PPP1R1B: variants seen among roughly 807,000 people sequenced by gnomAD.
The protein encoded by PPP1R1B is protein phosphatase 1 regulatory subunit 1B.
In PPP1R1B, 13 loss-of-function variants were observed where a neutral mutation model predicts 28.2. That is an observed-to-expected ratio of 0.46 (90% CI 0.30 to 0.73). The LOEUF (loss-of-function observed/expected upper bound fraction) is 0.73. Ranked by LOEUF, PPP1R1B falls within the 30% of genes least tolerant of loss-of-function variation. PPP1R1B has a pLI of 0.07. For missense variants in PPP1R1B, 236 were observed against 256.7 expected (o/e 0.92, Z 0.55); for synonymous variants, 102 against 97.5 (o/e 1.05, Z -0.27).
At chr17:39,634,186 A>G in intron 5 of PPP1R1B, 100 bp downstream of exon 5, 8 of 1,457,824 alleles carry the variant, frequency 5.5e-6, no homozygotes, top group Non-Finnish European at 7.6e-6. Flanking sequence ...CGCAAACTGT[A>G]GTGACACCAC....
At position 39,627,418 on chromosome 17, in the gene PPP1R1B, T is replaced by C; in HGVS notation, c.26T>C (p.Ile9Thr). The part of the protein sequence containing the change: MDPKDRKK[I>T]QFSVPAPPSQ... ...ATGGACCCCAAGGACCGCAAGAAGA[T>C]CCAGTTCTCGGTGCCCGCGCCCCCT... The change falls in exon 1 of 7, where the codon ATC becomes ACC. Residue 9 changes from isoleucine (I) to threonine (T), a missense_variant. By Grantham distance (89) the Ile-to-Thr change is moderately conservative (BLOSUM62 -1). Coordinates refer to ENST00000254079, the MANE Select transcript of PPP1R1B (RefSeq NM_032192.4). The C allele has an allele frequency of 6.2e-7, 1 of 1,602,394 alleles. No individual in the cohort carries two copies. The highest frequency in any genetic ancestry group is 8.5e-7 in the Non-Finnish European group (1 of 1,176,094).
In PPP1R1B at chr17:39,636,015, G is replaced by T; in HGVS notation, c.*150G>T. On this transcript the variant is annotated 3_prime_UTR_variant, in exon 7 of 7. Coordinates refer to ENST00000254079, the MANE Select transcript of PPP1R1B (RefSeq NM_032192.4). ...AGAAGACTAAGGCTGGTCTGTGTTT[G>T]CTTGTTTGCCCACCTTTGGCTGATA... 3.3e-6 allele frequency: 3 copies of T among 917,294 alleles called. No homozygotes were observed. In the South Asian group the frequency reaches 5.1e-5, roughly 16 times the overall value. The allele number at this position is 917,294 out of a possible 1,614,324, so 56.8% of individuals were successfully genotyped here.
In PPP1R1B at chr17:39,630,059, C is replaced by T. The variant is rs34719599; in HGVS notation, c.241+12C>T. On this transcript the variant is annotated intron_variant, in intron 4 of 6. Transcript: ENST00000254079. ...ACCTTCGCTGAAAGGTACTATACCC[C>T]CACCGACCTTCCTGGCTGTCCGCCT... 2.2e-3 allele frequency: 3,591 copies of T among 1,613,494 alleles called. 62 individuals carry two copies. The African/African-American group carries it at 0.041, about 18-fold the overall frequency.
chr17:39,629,929 G>T (rs1335944589), intron 3 of PPP1R1B, 43 bp from the exon 4 acceptor site: 5 of 1,583,584 alleles, frequency 3.2e-6, no homozygotes, highest in Non-Finnish European at 4.3e-6. Flanking sequence ...GTGAAGGCAA[G>T]GGCCTCTGCT....
Position 39,627,167 on chromosome 17 carries a change from G to T in PPP1R1B, c.-226G>T. 2.1e-6 allele frequency: 1 copy of T among 478,264 alleles called. No individual in the cohort carries two copies. The allele number at this position is 478,264 out of a possible 1,614,324, so 29.6% of individuals were successfully genotyped here. Reference sequence around the variant, plus strand: ...CAGACCTGGCTCAGCGAGCGCGGGGGGCGAGCCCCGAGTCCCGAGAGCCTG... The same window carrying T: ...CAGACCTGGCTCAGCGAGCGCGGGGTGCGAGCCCCGAGTCCCGAGAGCCTG... On this transcript the variant is annotated 5_prime_UTR_variant, in exon 1 of 7. Transcript: ENST00000254079.
rs2144831857 is a variant in PPP1R1B, at chr17:39,627,314, C to T, written c.-79C>T. The T allele has an allele frequency of 2.0e-6, 2 of 978,326 alleles. No individual in the cohort carries two copies. The highest frequency in any genetic ancestry group is 3.4e-5 in the African/African-American group (2 of 58,644). The allele number at this position is 978,326 out of a possible 1,614,324, so 60.6% of individuals were successfully genotyped here. A position where few individuals can be genotyped will look rare whatever the true frequency, so the allele number is the denominator to read the frequency against. ...CTCCTCTCGCCGCACAGCCCGCCGCCTGCGCGGGGGAGCCCAGCACAGACC... is the reference window on the plus strand; with the variant it reads ...CTCCTCTCGCCGCACAGCCCGCCGCTTGCGCGGGGGAGCCCAGCACAGACC... On this transcript the variant is annotated 5_prime_UTR_variant, in exon 1 of 7. Coordinates refer to ENST00000254079, the MANE Select transcript of PPP1R1B (RefSeq NM_032192.4).
At chr17:39,629,456 TAACTC>T in intron 2 of PPP1R1B, 79 bp from the exon 3 acceptor site, 1 of 1,569,964 alleles carries the variant, frequency 6.4e-7, no homozygotes, top group Non-Finnish European at 8.8e-7. Context: ...CTGGGGAAAA[TAACTC>T]GGATTCTTTC....
Position 39,629,211 on chromosome 17 carries a change from C to T in PPP1R1B, c.123C>T (p.Leu41=). ...CAACGCCTGCCATGCTGTTCCGGCTCTCAGAGCACTCCTCACCAGGTAGGC... is the reference window on the plus strand; with the variant it reads ...CAACGCCTGCCATGCTGTTCCGGCTTTCAGAGCACTCCTCACCAGGTAGGC... ...RRPTPAMLFR[L]SEHSSPEEEA... The change falls in exon 2 of 7, where the codon CTC becomes CTT. Residue 41 remains leucine (L), a synonymous_variant. Coordinates refer to ENST00000254079, the MANE Select transcript of PPP1R1B (RefSeq NM_032192.4). 6.2e-7 allele frequency: 1 copy of T among 1,613,782 alleles called. No homozygotes were observed. Among genetic ancestry groups the T allele is most frequent in the Non-Finnish European group, 8.5e-7 (1 of 1,179,936 alleles).
chr17:39,629,622 G>A (rs111860682), intron 3 of PPP1R1B, 60 bp downstream of exon 3: 42 of 1,588,820 alleles, frequency 2.6e-5, no homozygotes, highest in East Asian at 4.5e-5. Flanking sequence ...TGGGGTGGAC[G>A]GGTGCCTGCA....
rs779075907 is a variant in PPP1R1B at position 39,627,455 on chromosome 17, C to A, written c.63C>A (p.Asp21Glu). Residue 21 changes from aspartate to glutamate, a missense_variant, in exon 1 of 7, where the codon GAC becomes GAA. Asp to Glu is a conservative substitution (Grantham distance 45). Coordinates refer to ENST00000254079, the MANE Select transcript of PPP1R1B (RefSeq NM_032192.4). ...FSVPAPPSQL[D>E]PRQVEMIRRR... Reference sequence around the variant, plus strand: ...TGCCCGCGCCCCCTAGCCAGCTCGACCCCCGCCAGGTGGAGATGGTAAGGG... The same window carrying A: ...TGCCCGCGCCCCCTAGCCAGCTCGAACCCCGCCAGGTGGAGATGGTAAGGG... 5.0e-6 allele frequency: 8 copies of A among 1,594,772 alleles called. No homozygotes were observed. In the South Asian group the frequency reaches 8.9e-5, roughly 18 times the overall value.
intron 2 of PPP1R1B, 55 bp from the exon 3 acceptor site, chr17:39,629,485 T>C: frequency 6.2e-7 from 1 of 1,608,280 alleles, no homozygotes; most frequent in Non-Finnish European, 8.5e-7. Context: ...CTCTCCCTCT[T>C]CTCTTTTCCT....
rs145932715 is a variant in PPP1R1B, at chr17:39,629,557, C to A, written c.160C>A (p.His54Asn). 1.7e-4 allele frequency: 278 copies of A among 1,613,732 alleles called. No homozygotes were observed. The highest frequency in any genetic ancestry group is 4.1e-4 in the African/African-American group (31 of 75,026). Residue 54 changes from histidine (H) to asparagine (N), a missense_variant, in exon 3 of 7, where the codon CAC (histidine) becomes AAC (asparagine). His to Asn is a moderately conservative substitution (Grantham distance 68, BLOSUM62 1). Transcript: ENST00000254079. ...TTCCTCAGAGGAGGAAGCCTCCCCCCACCAGGTGAGTTTCCTGGGGCAGCT... is the reference window on the plus strand; with the variant it reads ...TTCCTCAGAGGAGGAAGCCTCCCCCAACCAGGTGAGTTTCCTGGGGCAGCT... ...HSSPEEEASP[H>N]QRASGEGHHL...
In PPP1R1B at chr17:39,627,437, G is replaced by T. The variant is rs1005995928; in HGVS notation, c.45G>T (p.Ala15=). ...AGAAGATCCAGTTCTCGGTGCCCGC[G>T]CCCCCTAGCCAGCTCGACCCCCGCC... ...DRKKIQFSVP[A]PPSQLDPRQV... Residue 15 remains alanine (A), a synonymous_variant, in exon 1 of 7, where the codon GCG becomes GCT. Coordinates refer to ENST00000254079, the MANE Select transcript of PPP1R1B (RefSeq NM_032192.4). 7 of 1,600,730 alleles carry T rather than the reference G, an allele frequency of 4.4e-6. No homozygotes were observed. The highest frequency in any genetic ancestry group is 2.7e-5 in the African/African-American group (2 of 73,514).
chr17:39,631,602 A>C (rs2056878599), intron 4 of PPP1R1B, among the ~76,000 whole-genome samples: 1 of 152,138 alleles, frequency 6.6e-6, no homozygotes, highest in South Asian at 2.1e-4. Context: ...TATGCTGGGA[A>C]GTGGTTCGGG....
chr17:39,627,135 C>A lies in PPP1R1B; in HGVS notation c.-258C>A. 2.2e-6 allele frequency: 1 copy of A among 445,636 alleles called. No homozygotes were observed. Among genetic ancestry groups the A allele is most frequent in the Admixed American group, 4.5e-5 (1 of 22,198 alleles). The allele number at this position is 445,636 out of a possible 1,614,324, so 27.6% of individuals were successfully genotyped here. A position where few individuals can be genotyped will look rare whatever the true frequency, so the allele number is the denominator to read the frequency against. On this transcript the variant is annotated 5_prime_UTR_variant, in exon 1 of 7. Coordinates refer to ENST00000254079, the MANE Select transcript of PPP1R1B (RefSeq NM_032192.4). ...ACCCAGGCCGGGGAGCGCGAGGGAG[C>A]GAGGCACAGACCTGGCTCAGCGAGC...
intron 4 of PPP1R1B, chr17:39,632,031 AGTG>A (rs1261155210): frequency 6.6e-6 from 1 of 152,396 alleles, no homozygotes; most frequent in Non-Finnish European, 1.5e-5. Flanking sequence ...TGCACCGTGC[AGTG>A]GTCAAAATTG....
chr17:39,635,203 A>G (rs182687593), intron 5 of PPP1R1B, among the ~76,000 whole-genome samples: 1 of 152,212 alleles, frequency 6.6e-6, no homozygotes, highest in East Asian at 1.9e-4. Context: ...CTCAAAAACA[A>G]AAACAAAAAA....
chr17:39,630,274 G>A (rs1008000685), intron 4 of PPP1R1B: 10 of 531,256 alleles, frequency 1.9e-5, no homozygotes, highest in Non-Finnish European at 3.4e-5. Flanking sequence ...ATCGGGTTGT[G>A]GGCTTGAAAG....
intron 3 of PPP1R1B, 61 bp downstream of exon 3, chr17:39,629,623 G>T (rs1361055337): frequency 1.3e-6 from 2 of 1,582,966 alleles, no homozygotes; most frequent in Non-Finnish European, 1.7e-6. Flanking sequence ...GGGGTGGACG[G>T]GTGCCTGCAG....
Sources: gnomAD v4.1 joint callset for allele counts (sites outside exome capture counted in the v4.1 genomes callset) on GRCh38, gnomAD v4.1.1 for gene constraint, MANE v1.5 for transcripts, NCBI Gene and HGNC (gene_info 2026-07-23, HGNC 2026-07-21) for gene names.